Variants in RYR2 observed in about 807,000 individuals in gnomAD.
The protein encoded by RYR2 is cardiac muscle ryanodine receptor-calcium release channel.
In RYR2, 227 loss-of-function variants were observed where a neutral mutation model predicts 601.1. That is an observed-to-expected ratio of 0.38 (90% CI 0.34 to 0.42). RYR2 has a LOEUF of 0.42. Ranked by LOEUF, RYR2 falls within the 10% of genes least tolerant of loss-of-function variation. The pLI is 1.00. For missense variants in RYR2, 4,646 were observed against 6,156.5 expected (o/e 0.75, Z 8.21); for synonymous variants, 2,223 against 2,175.1 (o/e 1.02, Z -0.61).
chr1:237,661,603 C>T (rs77581794), intron 56 of RYR2, among the ~76,000 whole-genome samples: 2,059 of 152,202 alleles, frequency 0.014, 51 homozygotes, highest in African/African-American at 0.045. Flanking sequence ...GTCTATAGGG[C>T]TTTCTTCTCA....
chr1:237,491,751 A>G (rs900771106), intron 17 of RYR2, 55 bp from the exon 18 acceptor site: 3 of 814,580 alleles, frequency 3.7e-6, no homozygotes, highest in South Asian at 3.0e-5. Flanking sequence ...GACACTGGTC[A>G]TTGTACACCA....
Position 237,614,188 on chromosome 1 carries a change from A to G in RYR2, c.5060A>G (p.Tyr1687Cys), listed in dbSNP as rs760479688. 3 of 1,614,012 alleles carry G rather than the reference A, an allele frequency of 1.9e-6. No individual in the cohort carries two copies. Among genetic ancestry groups the G allele is most frequent in the Non-Finnish European group, 2.5e-6 (3 of 1,179,886 alleles). ...CATGTGGATGAACCTCAGCTCCTCTATGCCATTGAGAACAAGTACATGCCT... is the reference window on the plus strand; with the variant it reads ...CATGTGGATGAACCTCAGCTCCTCTGTGCCATTGAGAACAAGTACATGCCT... Reference protein sequence around the residue: ...CSHVDEPQLLYAIENKYMPGL... With the variant: ...CSHVDEPQLLCAIENKYMPGL... The change falls in exon 37 of 105, where the codon TAT becomes TGT. Residue 1687 changes from tyrosine (Y) to cysteine (C), a missense_variant. Coordinates refer to ENST00000366574, the MANE Select transcript of RYR2 (RefSeq NM_001035.3). The surrounding 1 kb of genome is among the most constrained non-coding windows in gnomAD (Gnocchi z 4.3).
At chr1:237,160,168 CTT>C (rs1675846188) in intron 1 of RYR2, among the ~76,000 whole-genome samples, 1 of 152,170 alleles carries the variant, frequency 6.6e-6, no homozygotes, top group Admixed American at 6.5e-5. Context: ...AGAAGGGTAT[CTT>C]ATACTGGTAT....
At chr1:237,810,355 T>C (rs1439748774) in intron 100 of RYR2, among the ~76,000 whole-genome samples, 1 of 152,124 alleles carries the variant, frequency 6.6e-6, no homozygotes, top group Non-Finnish European at 1.5e-5. Flanking sequence ...TCAGTGGGCT[T>C]GCAAATTTGA....
intron 1 of RYR2, among the ~76,000 whole-genome samples, chr1:237,112,948 A>G (rs971270579): frequency 6.6e-6 from 1 of 152,056 alleles, no homozygotes; most frequent in Non-Finnish European, 1.5e-5. Flanking sequence ...CTGGCGTCAT[A>G]TAACTATTTA....
chr1:237,097,252 ACTGT>A (rs1278793369), intron 1 of RYR2, among the ~76,000 whole-genome samples: 1 of 152,174 alleles, frequency 6.6e-6, no homozygotes, highest in African/African-American at 2.4e-5. Context: ...CAACCACTAA[ACTGT>A]CTGAAAAATG....
At chr1:237,487,549 G>T (rs1276353807) in intron 17 of RYR2, among the ~76,000 whole-genome samples, 1 of 109,002 alleles carries the variant, frequency 9.2e-6, no homozygotes. Context: ...GACCACCCCC[G>T]TCTCTACAAA....
At chr1:237,736,338 G>A (rs1343769661) in intron 79 of RYR2, among the ~76,000 whole-genome samples, 2 of 151,904 alleles carry the variant, frequency 1.3e-5, no homozygotes, top group African/African-American at 2.4e-5. Flanking sequence ...GTGCACACCT[G>A]TAATCCCAGC....
chr1:237,656,115 C>A, intron 53 of RYR2, 131 bp downstream of exon 53: 1 of 660,976 alleles, frequency 1.5e-6, no homozygotes, highest in Non-Finnish European at 2.5e-6. Context: ...AATAGGGGTC[C>A]CTTTAATTTA....
intron 58 of RYR2, among the ~76,000 whole-genome samples, chr1:237,670,160 G>C (rs1001997777): frequency 1.3e-5 from 2 of 151,676 alleles, no homozygotes; most frequent in African/African-American, 4.8e-5. Flanking sequence ...GTGGCGGCGC[G>C]CGCCTGCAAT....
intron 3 of RYR2, among the ~76,000 whole-genome samples, chr1:237,341,811 C>T (rs1339559330): frequency 1.3e-5 from 2 of 151,994 alleles, no homozygotes; most frequent in Non-Finnish European, 2.9e-5. Flanking sequence ...TGAATTGCCT[C>T]TCTATTGTGG....
rs180996154 is a variant in RYR2 at position 237,803,090 on chromosome 1, T to C, written c.14151+1174T>C. Among the ~76,000 whole-genome samples, 242 of 152,312 alleles carry C rather than the reference T, an allele frequency of 1.6e-3. 2 individuals carry two copies. The highest frequency in any genetic ancestry group is 5.3e-3 in the African/African-American group (221 of 41,570). On this transcript the variant is annotated intron_variant, in intron 98 of 104. Transcript: ENST00000366574. ...TTCAGAATTCCTAGTTAAATGTAAA[T>C]TTTAGATAAGCAGAAAATAATATTT... is the stretch of plus-strand genomic sequence containing the variant.
At chr1:237,642,070 T>G (rs1186086151) in intron 47 of RYR2, among the ~76,000 whole-genome samples, 1 of 152,194 alleles carries the variant, frequency 6.6e-6, no homozygotes, top group East Asian at 1.9e-4. Flanking sequence ...TTGAAACACA[T>G]TGATTGGTGC....
intron 8 of RYR2, among the ~76,000 whole-genome samples, chr1:237,383,417 G>GTTTTTTTTTTTTTTTTT (rs10567644): frequency 4.0e-5 from 2 of 50,562 alleles, no homozygotes; most frequent in Non-Finnish European, 3.8e-5. Flanking sequence ...CTTTTTTCTT[G>GTTTTTTTTTTTTTTTTT]TTTTTTTTTT....
At chr1:237,570,634 C>T (rs980493354) in intron 29 of RYR2, among the ~76,000 whole-genome samples, 10 of 152,024 alleles carry the variant, frequency 6.6e-5, no homozygotes, top group South Asian at 2.1e-4. Context: ...CCACCATGCC[C>T]GGCCTAAATT....
At chr1:237,750,454 T>A (rs145373667) in intron 80 of RYR2, among the ~76,000 whole-genome samples, 1,617 of 151,536 alleles carry the variant, frequency 0.011, 18 homozygotes, top group Middle Eastern at 0.021. Context: ...ATTACATAAA[T>A]ATAGGAGCCA....
chr1:237,389,003 C>A (rs1370702986), intron 10 of RYR2, among the ~76,000 whole-genome samples: 5 of 151,828 alleles, frequency 3.3e-5, no homozygotes, highest in African/African-American at 1.2e-4. Context: ...GTCATTTAAC[C>A]AGCTGCATAA....
intron 2 of RYR2, among the ~76,000 whole-genome samples, chr1:237,309,795 C>T (rs184767073): frequency 5.3e-5 from 8 of 152,310 alleles, no homozygotes; most frequent in Middle Eastern, 3.4e-3. Context: ...TGAGGCCCGG[C>T]GAGAATTTGA....
chr1:237,053,394 T>A (rs903975050), intron 1 of RYR2, among the ~76,000 whole-genome samples: 1 of 152,184 alleles, frequency 6.6e-6, no homozygotes, highest in African/African-American at 2.4e-5. Context: ...CCATTCCCTT[T>A]GTGACAGGGA....
Sources: gnomAD v4.1 joint callset for allele counts (sites outside exome capture counted in the v4.1 genomes callset) on GRCh38, gnomAD v4.1.1 for gene constraint, Gnocchi (gnomAD v3.1) non-coding constraint, MANE v1.5 for transcripts, NCBI Gene and HGNC (gene_info 2026-07-23, HGNC 2026-07-21) for gene names.